Variants in HTT observed in about 807,000 individuals in gnomAD.
HTT encodes the protein huntingtin, also known as huntington disease protein.
In HTT, 104 loss-of-function variants were observed where a neutral mutation model predicts 362.3. The observed-to-expected ratio is 0.29, with a 90% CI of 0.24 to 0.34. The LOEUF (loss-of-function observed/expected upper bound fraction) is 0.34. HTT is among the 10% of genes least tolerant of loss of function. The pLI is 1.00. For missense variants in HTT, 3,301 were observed against 3,928.6 expected (o/e 0.84, Z 4.27); for synonymous variants, 1,577 against 1,548.7 (o/e 1.02, Z -0.43).
intron 35 of HTT, among the ~76,000 whole-genome samples, chr4:3,179,880 G>T (rs946335613): frequency 6.6e-6 from 1 of 151,124 alleles, no homozygotes; most frequent in East Asian, 1.9e-4. Flanking sequence ...ATGTGTGAGC[G>T]TATGTGTCAC....
chr4:3,240,289 A>C lies in HTT; in HGVS notation c.*230A>C, dbSNP rs1285274116. 1 of 581,734 alleles carries C rather than the reference A, an allele frequency of 1.7e-6. No homozygotes were observed. The highest frequency in any genetic ancestry group is 3.1e-6 in the Non-Finnish European group (1 of 325,682). The allele number at this position is 581,734 out of a possible 1,614,324, so 36.0% of individuals were successfully genotyped here. Reference sequence around the variant, plus strand: ...GGTGGGGCTGAGCCTGAGGCCTTCCAGAAAGCAGGAGCAGCTGTGCTGCAC... The same window carrying C: ...GGTGGGGCTGAGCCTGAGGCCTTCCCGAAAGCAGGAGCAGCTGTGCTGCAC... On this transcript the variant is annotated 3_prime_UTR_variant, in exon 67 of 67. Coordinates refer to ENST00000355072, the MANE Select transcript of HTT (RefSeq NM_001388492.1).
intron 1 of HTT, among the ~76,000 whole-genome samples, chr4:3,079,342 G>C (rs919457432): frequency 1.4e-5 from 2 of 145,428 alleles, no homozygotes; most frequent in Non-Finnish European, 3.0e-5. Flanking sequence ...CTTCAGCCTT[G>C]AACTCCTGGG....
At chr4:3,198,343 G>T (rs549071924) in intron 40 of HTT, among the ~76,000 whole-genome samples, 4 of 144,114 alleles carry the variant, frequency 2.8e-5, no homozygotes, top group African/African-American at 1.0e-4. Context: ...TTGTGCTCCC[G>T]CCTCCCAAAT....
In HTT at chr4:3,187,904, G is replaced by A; in HGVS notation, c.5225+18G>A. On this transcript the variant is annotated intron_variant, in intron 39 of 66. Coordinates refer to ENST00000355072, the MANE Select transcript of HTT (RefSeq NM_001388492.1). ...TTTTCAAGGTATGCTTTCTATCTGA[G>A]CCTATAACTAACCCATGCCTTTTGG... 6.8e-7 allele frequency: 1 copy of A among 1,473,402 alleles called. No homozygotes were observed. Among genetic ancestry groups the A allele is most frequent in the Non-Finnish European group, 9.5e-7 (1 of 1,056,554 alleles). 91.3% of individuals were successfully genotyped at this position (1,473,402 alleles called of 1,614,324 possible).
intron 12 of HTT, 51 bp downstream of exon 12, chr4:3,127,655 CAG>C (rs1231056496): frequency 7.3e-7 from 1 of 1,370,200 alleles, no homozygotes. Flanking sequence ...TTATTTGAGA[CAG>C]AGTCTCACTC....
intron 35 of HTT, among the ~76,000 whole-genome samples, chr4:3,179,878 G>A (rs914929012): frequency 4.6e-5 from 7 of 151,514 alleles, no homozygotes; most frequent in Non-Finnish European, 1.0e-4. Context: ...TCATGTGTGA[G>A]CGTATGTGTC....
Position 3,238,952 on chromosome 4 carries a change from G to A in HTT, c.9189G>A (p.Ala3063=), listed in dbSNP as rs754048582. ...TWSLSCFFVS[A]STSPWVAAIL... Reference sequence around the variant, plus strand: ...GCCTCTCCTGCTTCTTTGTCAGCGCGTCCACCAGCCCGTGGGTCGCGGCGA... The same window carrying A: ...GCCTCTCCTGCTTCTTTGTCAGCGCATCCACCAGCCCGTGGGTCGCGGCGA... The change falls in exon 66 of 67, where the codon GCG becomes GCA. Residue 3063 remains alanine (A), a synonymous_variant. Transcript: ENST00000355072. 29 of 1,608,870 alleles carry A rather than the reference G, an allele frequency of 1.8e-5. No homozygotes were observed. The highest frequency in any genetic ancestry group is 4.4e-5 in the South Asian group (4 of 90,258).
intron 29 of HTT, 94 bp downstream of exon 29, chr4:3,160,486 A>C: frequency 1.1e-6 from 1 of 890,696 alleles, no homozygotes; most frequent in Non-Finnish European, 1.8e-6. Context: ...CTGGTTCTCC[A>C]GGGTGCCTCC....
rs575175146 is a variant in HTT, at chr4:3,241,187, C to G, written c.*1128C>G. 39 of 152,446 alleles carry G rather than the reference C, an allele frequency of 2.6e-4. No homozygotes were observed. Among genetic ancestry groups the G allele is most frequent in the African/African-American group, 9.1e-4 (38 of 41,584 alleles). 9.4% of individuals were successfully genotyped at this position (152,446 alleles called of 1,614,324 possible). Reference sequence around the variant, plus strand: ...TCACTGAGCTGTGTTTTGTCTGAGCCTCTCTCGGTCAACAGCAAAGCTTGG... The same window carrying G: ...TCACTGAGCTGTGTTTTGTCTGAGCGTCTCTCGGTCAACAGCAAAGCTTGG... On this transcript the variant is annotated 3_prime_UTR_variant, in exon 67 of 67. Transcript: ENST00000355072.
chr4:3,176,852 T>C (rs932966040), intron 33 of HTT, among the ~76,000 whole-genome samples: 2 of 152,246 alleles, frequency 1.3e-5, no homozygotes, highest in African/African-American at 4.8e-5. Flanking sequence ...GCTTTATCCA[T>C]GGAAGCTCCC....
chr4:3,232,497 C>G (rs184045203), intron 60 of HTT, among the ~76,000 whole-genome samples: 281 of 152,318 alleles, frequency 1.8e-3, no homozygotes, highest in Admixed American at 4.2e-3. Context: ...ATATTTAACC[C>G]TGCTAGGTTT....
chr4:3,081,262 G>T (rs112754358), intron 1 of HTT, among the ~76,000 whole-genome samples: 3 of 152,340 alleles, frequency 2.0e-5, no homozygotes, highest in Non-Finnish European at 2.9e-5. Flanking sequence ...ATTTCGGGCT[G>T]TGTGGGCACA....
At chr4:3,095,718 A>G (rs758700328) in intron 2 of HTT, among the ~76,000 whole-genome samples, 2 of 152,240 alleles carry the variant, frequency 1.3e-5, no homozygotes, top group Admixed American at 6.5e-5. Context: ...GTAGATTGTG[A>G]TGAAGATACA....
At position 3,233,426 on chromosome 4, in the gene HTT, C is replaced by T. The variant is rs1035142681; in HGVS notation, c.8456+73C>T. On this transcript the variant is annotated intron_variant, in intron 61 of 66. Coordinates refer to ENST00000355072, the MANE Select transcript of HTT (RefSeq NM_001388492.1). ...TGTGAAGGAAGCAGCATCACCCTCTCCAAGTGCCCAGGCTCCTGGCCAGAT... is the reference window on the plus strand; with the variant it reads ...TGTGAAGGAAGCAGCATCACCCTCTTCAAGTGCCCAGGCTCCTGGCCAGAT... The T allele has an allele frequency of 3.5e-6, 5 of 1,424,086 alleles. No individual in the cohort carries two copies. In the Admixed American group the frequency reaches 7.2e-5, roughly 21 times the overall value. 88.2% of individuals were successfully genotyped at this position (1,424,086 alleles called of 1,614,324 possible). A position where few individuals can be genotyped will look rare whatever the true frequency, so the allele number is the denominator to read the frequency against.
rs1718575447 is a variant in HTT, at chr4:3,182,534, G to T, written c.4866+64G>T. On this transcript the variant is annotated intron_variant, in intron 37 of 66. Transcript: ENST00000355072. ...TGGTAGCTTAAGGTCCTTGTGAAAG[G>T]TGGGTGGCTGGAATCAGCTCTTCCT... is the stretch of plus-strand genomic sequence containing the variant. 4 of 1,019,162 alleles carry T rather than the reference G, an allele frequency of 3.9e-6. No individual in the cohort carries two copies. In the South Asian group the frequency reaches 5.3e-5, roughly 13 times the overall value. 63.1% of individuals were successfully genotyped at this position (1,019,162 alleles called of 1,614,324 possible).
chr4:3,207,186 G>T, intron 44 of HTT, 95 bp from the exon 45 acceptor site: 1 of 1,201,498 alleles, frequency 8.3e-7, no homozygotes, highest in East Asian at 2.4e-5. Context: ...TTACTAGGAT[G>T]AACTGTACAC....
chr4:3,079,083 A>G (rs28696693), intron 1 of HTT, among the ~76,000 whole-genome samples: 12,721 of 151,574 alleles, frequency 0.084, 1,100 homozygotes, highest in African/African-American at 0.22. Flanking sequence ...TTTAGTAGAG[A>G]TGGGGTTTTG....
chr4:3,097,208 A>G (rs570826041), intron 2 of HTT, among the ~76,000 whole-genome samples: 2 of 152,348 alleles, frequency 1.3e-5, no homozygotes, highest in Non-Finnish European at 2.9e-5. Flanking sequence ...TAGGAAATCA[A>G]TAAAACCAAA....
At chr4:3,131,820 T>C in intron 16 of HTT, 45 bp downstream of exon 16, 2 of 1,561,786 alleles carry the variant, frequency 1.3e-6, no homozygotes, top group Non-Finnish European at 1.8e-6. Flanking sequence ...TTAATCATTA[T>C]TGTAAAAACT....
Sources: gnomAD v4.1 joint callset for allele counts (sites outside exome capture counted in the v4.1 genomes callset) on GRCh38, gnomAD v4.1.1 for gene constraint, MANE v1.5 for transcripts, NCBI Gene and HGNC (gene_info 2026-07-23, HGNC 2026-07-21) for gene names.